Variants in FAM120B observed in about 807,000 individuals in gnomAD.
FAM120B encodes constitutive coactivator of peroxisome proliferator-activated receptor gamma.
A neutral mutation model predicts 96.3 loss-of-function variants in FAM120B; 83 were observed. That is an observed-to-expected ratio of 0.86 (90% CI 0.72 to 1.03). The LOEUF (loss-of-function observed/expected upper bound fraction) is 1.03. Ranked by LOEUF, FAM120B falls within the 50% of genes least tolerant of loss-of-function variation. FAM120B has a pLI of 0.00. For missense variants in FAM120B, 1,027 were observed against 1,121.2 expected (o/e 0.92, Z 1.20); for synonymous variants, 407 against 402.7 (o/e 1.01, Z -0.13).
chr6:170,384,758 G>A (rs1008015727), intron 6 of FAM120B, among the ~76,000 whole-genome samples: 2 of 152,238 alleles, frequency 1.3e-5, no homozygotes, highest in Non-Finnish European at 2.9e-5. Flanking sequence ...GCCTGCTTTT[G>A]TGTGGGTCTG....
In FAM120B at chr6:170,356,376, A is replaced by G. The variant is rs116494573; in HGVS notation, c.2191-1850A>G. Among the ~76,000 whole-genome samples, 544 of 152,354 alleles carry G rather than the reference A, an allele frequency of 3.6e-3. 2 individuals carry two copies. The highest frequency in any genetic ancestry group is 0.012 in the African/African-American group (493 of 41,584). ...ATGAAGAAGGTGCTGTATTATTCCC[A>G]GGGATAATAACTCTCAGAATTAATC... On this transcript the variant is annotated intron_variant, in intron 5 of 10. Transcript: ENST00000476287.
rs1012221808 is a variant in FAM120B, at chr6:170,370,863, A to G, written c.2283+12545A>G. 6.6e-6 allele frequency among the ~76,000 whole-genome samples: 1 copy of G among 152,170 alleles called. No homozygotes were observed. Among genetic ancestry groups the G allele is most frequent in the Non-Finnish European group, 1.5e-5 (1 of 68,026 alleles). ...TGTGCGTCTCTAACAGACGGGAGATACTGCAGTAGAATTTGCAGCACTTGG... is the reference window on the plus strand; with the variant it reads ...TGTGCGTCTCTAACAGACGGGAGATGCTGCAGTAGAATTTGCAGCACTTGG... On this transcript the variant is annotated intron_variant, in intron 6 of 10. Coordinates refer to ENST00000476287, the MANE Select transcript of FAM120B (RefSeq NM_032448.3). This position sits in a 1 kb window ranked among gnomAD's most constrained non-coding sequence, Gnocchi z 4.3.
chr6:170,381,311 G>T (rs374725968), intron 6 of FAM120B, among the ~76,000 whole-genome samples: 15 of 152,334 alleles, frequency 9.8e-5, no homozygotes, highest in African/African-American at 3.6e-4. Context: ...TCTCAGAAAA[G>T]CACAGGTGAC....
At chr6:170,321,333 G>A (rs9366204) in intron 2 of FAM120B, among the ~76,000 whole-genome samples, 20 of 152,190 alleles carry the variant, frequency 1.3e-4, no homozygotes, top group South Asian at 1.0e-3. Flanking sequence ...TTGGATACAC[G>A]CATAACCACA....
upstream of FAM120B, chr6:170,291,175 C>T (rs1783860572): frequency 1.5e-6 from 1 of 653,108 alleles, no homozygotes; most frequent in Non-Finnish European, 2.8e-6. Flanking sequence ...TCCTCCCTCA[C>T]CACACAAAAC....
intron 1 of FAM120B, among the ~76,000 whole-genome samples, chr6:170,313,618 C>A (rs951237037): frequency 6.6e-6 from 1 of 152,168 alleles, no homozygotes; most frequent in Admixed American, 6.5e-5. Context: ...ATTCGAGATG[C>A]GAATTATTTC....
intron 6 of FAM120B, among the ~76,000 whole-genome samples, chr6:170,362,042 C>T (rs779110353): frequency 7.2e-5 from 11 of 152,192 alleles, no homozygotes; most frequent in Non-Finnish European, 1.3e-4. Context: ...GATCTACTCA[C>T]CTCAGCCTCT....
chr6:170,382,157 A>G (rs1789942604), intron 6 of FAM120B, among the ~76,000 whole-genome samples: 1 of 152,228 alleles, frequency 6.6e-6, no homozygotes, highest in African/African-American at 2.4e-5. Flanking sequence ...GTGGTGGCTC[A>G]TGCCTGTAAT....
At chr6:170,361,723 CATAGTGTGTACA>C (rs1788471616) in intron 6 of FAM120B, among the ~76,000 whole-genome samples, 1 of 152,204 alleles carries the variant, frequency 6.6e-6, no homozygotes, top group African/African-American at 2.4e-5. Context: ...ATCCTTCATA[CATAGTGTGTACA>C]ACCCTTGTGA....
At chr6:170,326,882 G>A (rs1785621183) in intron 3 of FAM120B, among the ~76,000 whole-genome samples, 1 of 152,068 alleles carries the variant, frequency 6.6e-6, no homozygotes, top group African/African-American at 2.4e-5. Flanking sequence ...GAGATGACAG[G>A]CATGCGCCAC....
intron 6 of FAM120B, among the ~76,000 whole-genome samples, chr6:170,377,315 A>C (rs534435762): frequency 7.3e-6 from 1 of 137,318 alleles, no homozygotes; most frequent in Non-Finnish European, 1.5e-5. Flanking sequence ...GCCCGGGAGA[A>C]CACAGGCTCA....
At chr6:170,347,285 A>T (rs1389755029) in intron 4 of FAM120B, among the ~76,000 whole-genome samples, 1 of 152,144 alleles carries the variant, frequency 6.6e-6, no homozygotes, top group African/African-American at 2.4e-5. Flanking sequence ...CTCACAGAAA[A>T]TCACAGCTGT....
In FAM120B at chr6:170,371,670, C is replaced by CTCACAG. The variant is rs1789198710; in HGVS notation, c.2283+13356_2283+13361dup. Among the ~76,000 whole-genome samples, 4 of 152,332 alleles carry CTCACAG rather than the reference C, an allele frequency of 2.6e-5. No homozygotes were observed. The South Asian group carries it at 8.3e-4, about 32-fold the overall frequency. ...AATTGAAGAAAAAAGCAAAAAACAT[C>CTCACAG]TCACAGTCAGCACTTGTCAAATGAG... is the stretch of plus-strand genomic sequence containing the variant. On this transcript the variant is annotated intron_variant, in intron 6 of 10. Coordinates refer to ENST00000476287, the MANE Select transcript of FAM120B (RefSeq NM_032448.3).
chr6:170,348,130 T>C (rs1017385084), intron 4 of FAM120B, 21 bp from the exon 5 acceptor site: 1 of 1,606,336 alleles, frequency 6.2e-7, no homozygotes, highest in South Asian at 1.1e-5. Flanking sequence ...CAATAGTTAA[T>C]GGACTTTTTT....
intron 5 of FAM120B, among the ~76,000 whole-genome samples, chr6:170,352,956 T>A (rs1462567692): frequency 2.6e-5 from 4 of 151,220 alleles, no homozygotes; most frequent in Non-Finnish European, 5.9e-5. Flanking sequence ...CAGGAGCTGT[T>A]TTTTTTTAAA....
At chr6:170,316,591 A>G (rs759635237) in intron 1 of FAM120B, among the ~76,000 whole-genome samples, 1 of 152,218 alleles carries the variant, frequency 6.6e-6, no homozygotes, top group African/African-American at 2.4e-5. Context: ...TAAATTTTCA[A>G]ATGGGCAGTT....
At chr6:170,374,967 G>T (rs1218636971) in intron 6 of FAM120B, among the ~76,000 whole-genome samples, 1 of 152,230 alleles carries the variant, frequency 6.6e-6, no homozygotes, top group Non-Finnish European at 1.5e-5. Flanking sequence ...GTAGTTGTCA[G>T]CTGTTGGTGA....
At chr6:170,302,741 T>C (rs1173535137), upstream of FAM120B, among the ~76,000 whole-genome samples, 1 of 152,214 alleles carries the variant, frequency 6.6e-6, no homozygotes, top group Admixed American at 6.5e-5. Context: ...ATCCTATTTA[T>C]AGATTTTTTC....
chr6:170,300,081 A>G (rs1784108609), intron 1 of FAM120B, among the ~76,000 whole-genome samples: 1 of 152,208 alleles, frequency 6.6e-6, no homozygotes, highest in Non-Finnish European at 1.5e-5. Flanking sequence ...TGGACGGTCA[A>G]TTGTTACCTG....
Sources: allele counts gnomAD v4.1 joint callset (sites outside exome capture counted in the v4.1 genomes callset), GRCh38; gene constraint gnomAD v4.1.1; non-coding constraint Gnocchi (gnomAD v3.1); transcripts MANE v1.5; gene names NCBI Gene and HGNC (gene_info 2026-07-23, HGNC 2026-07-21).